Variants in FMNL2 observed in about 807,000 individuals in gnomAD.
FMNL2 encodes the protein formin like 2.
FMNL2 carries 51 observed loss-of-function variants against 130.2 expected under a neutral mutation model. That is an observed-to-expected ratio of 0.39 (90% confidence interval 0.31 to 0.49). The LOEUF (loss-of-function observed/expected upper bound fraction) is 0.49. Among genes scored for constraint, FMNL2 ranks in the 20% least tolerant of loss-of-function variants. FMNL2 has a pLI of 0.85. For missense variants in FMNL2, 977 were observed against 1,316.2 expected (o/e 0.74, Z 3.99); for synonymous variants, 465 against 467.1 (o/e 1.00, Z 0.06).
chr2:152,380,413 T>C (rs545792332), intron 1 of FMNL2, among the ~76,000 whole-genome samples: 38 of 152,356 alleles, frequency 2.5e-4, no homozygotes, highest in South Asian at 1.4e-3. Flanking sequence ...GACAGCAGTG[T>C]TGTATCCACA....
Position 152,508,801 on chromosome 2 carries a change from G to A in FMNL2, c.118-13142G>A, listed in dbSNP as rs775865344. 5.9e-5 allele frequency among the ~76,000 whole-genome samples: 9 copies of A among 152,258 alleles called. No homozygotes were observed. In the East Asian group the frequency reaches 1.3e-3, roughly 23 times the overall value. On this transcript the variant is annotated intron_variant, in intron 1 of 25. Coordinates refer to ENST00000288670, the MANE Select transcript of FMNL2 (RefSeq NM_052905.4). The stretch of plus-strand genomic sequence containing the variant: ...CTGTTGTGGTTTACCCAGCTGAGAC[G>A]CACAGAGGGTCAATACAGTCAGATT...
chr2:152,501,761 C>T (rs373625596), intron 1 of FMNL2, among the ~76,000 whole-genome samples: 4 of 151,530 alleles, frequency 2.6e-5, no homozygotes, highest in East Asian at 3.9e-4. Flanking sequence ...AGAAGGAAGA[C>T]GATGATGAGA....
intron 1 of FMNL2, among the ~76,000 whole-genome samples, chr2:152,411,953 G>A (rs1686311061): frequency 6.6e-6 from 1 of 152,130 alleles, no homozygotes; most frequent in South Asian, 2.1e-4. Context: ...ATCCAGGGAG[G>A]TGTGACCCCA....
chr2:152,598,309 T>C (rs2105805972), intron 9 of FMNL2, among the ~76,000 whole-genome samples: 1 of 152,314 alleles, frequency 6.6e-6, no homozygotes, highest in Non-Finnish European at 1.5e-5. Flanking sequence ...AGTGTTAGGC[T>C]CCTTCAACTT....
intron 3 of FMNL2, among the ~76,000 whole-genome samples, chr2:152,543,730 A>T (rs1354783913): frequency 4.5e-5 from 1 of 22,216 alleles, no homozygotes; most frequent in East Asian, 2.2e-3. Flanking sequence ...CCCCCCGACC[A>T]AAAAAAAAAA....
chr2:152,615,219 A>G (rs923683058), intron 12 of FMNL2, among the ~76,000 whole-genome samples: 3 of 152,148 alleles, frequency 2.0e-5, no homozygotes, highest in Admixed American at 6.5e-5. Flanking sequence ...TAGCTCACTT[A>G]CCTGCTCAGT....
intron 1 of FMNL2, among the ~76,000 whole-genome samples, chr2:152,480,820 A>G (rs960615412): frequency 6.6e-6 from 1 of 152,124 alleles, no homozygotes; most frequent in Non-Finnish European, 1.5e-5. Flanking sequence ...AAAATGTATC[A>G]CCAGCCTTGA....
intron 1 of FMNL2, among the ~76,000 whole-genome samples, chr2:152,409,105 C>A (rs556902275): frequency 6.6e-6 from 1 of 152,132 alleles, no homozygotes; most frequent in African/African-American, 2.4e-5. Flanking sequence ...AAGCAGTGTT[C>A]GTAGGTGCAT....
rs528913229 is a variant in FMNL2, at chr2:152,363,571, T to C, written c.117+27851T>C. Among the ~76,000 whole-genome samples the C allele has an allele frequency of 7.3e-5, 11 of 151,356 alleles. No homozygotes were observed. In the East Asian group the frequency reaches 7.7e-4, roughly 11 times the overall value. Reference sequence around the variant, plus strand: ...TGAGTTTTTTTCTTTTCTTTTTTTTTTCCCCCCCAAGACAGAGTCTCGCTC... The same window carrying C: ...TGAGTTTTTTTCTTTTCTTTTTTTTCTCCCCCCCAAGACAGAGTCTCGCTC... On this transcript the variant is annotated intron_variant, in intron 1 of 25. Coordinates refer to ENST00000288670, the MANE Select transcript of FMNL2 (RefSeq NM_052905.4).
chr2:152,473,758 T>A (rs774739201), intron 1 of FMNL2, among the ~76,000 whole-genome samples: 1 of 152,234 alleles, frequency 6.6e-6, no homozygotes, highest in African/African-American at 2.4e-5. Context: ...AATACCCTTC[T>A]GTTAGGACAG....
intron 10 of FMNL2, 31 bp downstream of exon 10, chr2:152,607,444 C>T (rs755563247): frequency 1.9e-5 from 29 of 1,517,820 alleles, no homozygotes; most frequent in Non-Finnish European, 2.6e-5. Flanking sequence ...ATAAAGCAAA[C>T]TCAGTTTCAA....
intron 1 of FMNL2, among the ~76,000 whole-genome samples, chr2:152,478,305 C>T (rs907352511): frequency 2.2e-5 from 3 of 134,196 alleles, no homozygotes; most frequent in African/African-American, 5.5e-5. Flanking sequence ...GGCTGGAGTA[C>T]AGTGGCATGA....
chr2:152,447,563 C>A (rs1688412885), intron 1 of FMNL2, among the ~76,000 whole-genome samples: 1 of 152,128 alleles, frequency 6.6e-6, no homozygotes, highest in South Asian at 2.1e-4. Context: ...GTAACCGAGA[C>A]CCATGTTTTC....
chr2:152,355,969 T>A (rs896021300), intron 1 of FMNL2, among the ~76,000 whole-genome samples: 1 of 152,212 alleles, frequency 6.6e-6, no homozygotes, highest in African/African-American at 2.4e-5. Context: ...AGAGGAAAAT[T>A]ACCCCGAATT....
chr2:152,617,194 T>C lies in FMNL2; in HGVS notation c.1314+2T>C, dbSNP rs1206301086. 1.9e-6 allele frequency: 3 copies of C among 1,613,626 alleles called. No homozygotes were observed. The highest frequency in any genetic ancestry group is 2.5e-6 in the Non-Finnish European group (3 of 1,179,768). On this transcript the variant is annotated splice_donor_variant, in intron 13 of 25. Coordinates refer to ENST00000288670, the MANE Select transcript of FMNL2 (RefSeq NM_052905.4). LOFTEE classifies it high-confidence loss of function. ...AACAAGGAGCTGGATGTCGTTCGGG[T>C]AAGTGTAATGATGACAACTGCCCAG...
rs113932204 is a variant in FMNL2 at position 152,608,512 on chromosome 2, AGT to A, written c.951+1108_951+1109del. On this transcript the variant is annotated intron_variant, in intron 10 of 25. Coordinates refer to ENST00000288670, the MANE Select transcript of FMNL2 (RefSeq NM_052905.4). ...ATAAAGCATGTTATTTGCTTTTCAA[AGT>A]GTGTGTGTCTATATATATATACTTT... Among the ~76,000 whole-genome samples, 1,291 of 149,352 alleles carry A rather than the reference AGT, an allele frequency of 8.6e-3. 23 individuals carry two copies. The highest frequency in any genetic ancestry group is 0.03 in the African/African-American group (1,215 of 40,936).
intron 1 of FMNL2, among the ~76,000 whole-genome samples, chr2:152,360,904 G>C (rs16830971): frequency 0.088 from 13,409 of 152,060 alleles, 665 homozygotes; most frequent in African/African-American, 0.14. Flanking sequence ...CTGAAGAAAG[G>C]GTTTACTCTT....
At chr2:152,499,066 C>T (rs972435644) in intron 1 of FMNL2, among the ~76,000 whole-genome samples, 1 of 152,124 alleles carries the variant, frequency 6.6e-6, no homozygotes, top group Non-Finnish European at 1.5e-5. Context: ...GGCATTTTAA[C>T]GTAGAAGAAC....
At chr2:152,425,438 A>G (rs1189997062) in intron 1 of FMNL2, among the ~76,000 whole-genome samples, 1 of 152,242 alleles carries the variant, frequency 6.6e-6, no homozygotes, top group Admixed American at 6.5e-5. Context: ...ATCTCTGTAC[A>G]TGGCAGTTAT....
Sources: gnomAD v4.1 joint callset for allele counts (sites outside exome capture counted in the v4.1 genomes callset) on GRCh38, gnomAD v4.1.1 for gene constraint, MANE v1.5 for transcripts, NCBI Gene and HGNC (gene_info 2026-07-23, HGNC 2026-07-21) for gene names.